ELAVL2: variants seen among roughly 807,000 people sequenced by gnomAD.
The protein encoded by ELAVL2 is ELAV-like protein 2.
A neutral mutation model predicts 34.6 loss-of-function variants in ELAVL2; 4 were observed. The ratio of observed to expected loss-of-function variants is 0.12; its 90% CI spans 0.06 to 0.26. The LOEUF is 0.26. Among genes scored for constraint, ELAVL2 ranks in the 10% least tolerant of loss-of-function variants. The pLI is 1.00. For missense variants in ELAVL2, 432 were observed against 442.8 expected (o/e 0.98, Z 0.22); for synonymous variants, 193 against 154.8 (o/e 1.25, Z -1.83).
intron 1 of ELAVL2, among the ~76,000 whole-genome samples, chr9:23,782,105 G>T (rs1475453835): frequency 6.6e-6 from 1 of 152,162 alleles, no homozygotes; most frequent in African/African-American, 2.4e-5. Context: ...ACAGGCGTGA[G>T]CCACCATGCC....
chr9:23,736,214 C>G (rs907673126), intron 2 of ELAVL2, among the ~76,000 whole-genome samples: 1 of 151,952 alleles, frequency 6.6e-6, no homozygotes, highest in African/African-American at 2.4e-5. Context: ...AGTATATTAA[C>G]TTTATCCAAC....
intron 3 of ELAVL2, among the ~76,000 whole-genome samples, chr9:23,721,235 ACTGGCTGGATGT>A (rs1327835242): frequency 1.3e-4 from 20 of 152,320 alleles, no homozygotes; most frequent in African/African-American, 4.6e-4. Flanking sequence ...AAGAACCCAG[ACTGGCTGGATGT>A]GGCTCAACTG....
chr9:23,737,287 C>G (rs980688072), intron 2 of ELAVL2, among the ~76,000 whole-genome samples: 2 of 152,190 alleles, frequency 1.3e-5, no homozygotes, highest in Admixed American at 1.3e-4. Flanking sequence ...CCCTTATAAA[C>G]ATGTTCCTCA....
intron 1 of ELAVL2, among the ~76,000 whole-genome samples, chr9:23,805,340 G>C (rs1335340504): frequency 1.3e-5 from 2 of 152,096 alleles, no homozygotes; most frequent in Non-Finnish European, 2.9e-5. Context: ...TGAGAGAGTG[G>C]ATACTAACAA....
At chr9:23,839,725 T>C in the ELAVL2 span, among the ~76,000 whole-genome samples, 1 of 152,184 alleles carries the variant, frequency 6.6e-6, no homozygotes, top group South Asian at 2.1e-4. Flanking sequence ...AGGTAGTTTA[T>C]AGCAGCTCCT....
At chr9:23,791,122 G>T (rs184932678) in intron 1 of ELAVL2, among the ~76,000 whole-genome samples, 2 of 152,300 alleles carry the variant, frequency 1.3e-5, no homozygotes, top group Admixed American at 6.5e-5. Context: ...GGTTAGAGAA[G>T]AAATCAATTG....
the ELAVL2 span, among the ~76,000 whole-genome samples, chr9:23,842,939 T>G: frequency 6.6e-6 from 1 of 152,136 alleles, no homozygotes; most frequent in African/African-American, 2.4e-5. Context: ...ACTTGCCATT[T>G]TTTCCTGCTT....
At chr9:23,724,651 C>T (rs2044616675) in intron 3 of ELAVL2, among the ~76,000 whole-genome samples, 1 of 152,102 alleles carries the variant, frequency 6.6e-6, no homozygotes, top group East Asian at 1.9e-4. Context: ...AAATGGGACT[C>T]AATATAGATA....
At chr9:23,819,560 T>C (rs2064229506) in intron 1 of ELAVL2, among the ~76,000 whole-genome samples, 1 of 151,946 alleles carries the variant, frequency 6.6e-6, no homozygotes, top group Non-Finnish European at 1.5e-5. Flanking sequence ...TGATTGTTCC[T>C]GAAAGAAGAC....
chr9:23,774,680 C>A (rs2057914495), intron 1 of ELAVL2, among the ~76,000 whole-genome samples: 2 of 123,562 alleles, frequency 1.6e-5, no homozygotes, highest in Admixed American at 9.6e-5. Flanking sequence ...CATAAAAATA[C>A]ACATCTCCCA....
At chr9:23,786,113 T>C (rs972704479) in intron 1 of ELAVL2, among the ~76,000 whole-genome samples, 2 of 152,162 alleles carry the variant, frequency 1.3e-5, no homozygotes, top group East Asian at 1.9e-4. Flanking sequence ...TGCAGAGTAT[T>C]TATCTCTGTT....
chr9:23,779,420 G>C, intron 1 of ELAVL2: 1 of 985,334 alleles, frequency 1.0e-6, no homozygotes, highest in Non-Finnish European at 1.2e-6. Flanking sequence ...AGCAATGGAA[G>C]ATCTGGGAGG....
chr9:23,771,491 A>G (rs2057302125), intron 1 of ELAVL2, among the ~76,000 whole-genome samples: 1 of 152,052 alleles, frequency 6.6e-6, no homozygotes, highest in African/African-American at 2.4e-5. Flanking sequence ...TAAATATTAA[A>G]TCCAGAGTTA....
intron 1 of ELAVL2, among the ~76,000 whole-genome samples, chr9:23,823,729 T>C: frequency 6.6e-6 from 1 of 152,212 alleles, no homozygotes; most frequent in Non-Finnish European, 1.5e-5. Flanking sequence ...CCCAAACACA[T>C]TTCCTACCCT....
chr9:23,821,711 C>CGGCGGCGGG (rs1422224617), intron 1 of ELAVL2: 2 of 152,420 alleles, frequency 1.3e-5, no homozygotes, highest in African/African-American at 4.8e-5. Flanking sequence ...GTGGCGGCGG[C>CGGCGGCGGG]GGCGGCGGGA....
At position 23,753,959 on chromosome 9, in the gene ELAVL2, T is replaced by C. The variant is rs577495541; in HGVS notation, c.229+8047A>G. Reference sequence around the variant, plus strand: ...CAAAGAGAAAGGTTACTGAAGACTATTCCTAATCTACTGGTAAGGCAAATA... The same window carrying C: ...CAAAGAGAAAGGTTACTGAAGACTACTCCTAATCTACTGGTAAGGCAAATA... On this transcript the variant is annotated intron_variant, in intron 2 of 6. Coordinates refer to ENST00000397312, the MANE Select transcript of ELAVL2 (RefSeq NM_004432.5). Among the ~76,000 whole-genome samples, 7 of 152,290 alleles carry C rather than the reference T, an allele frequency of 4.6e-5. 1 individual carries two copies. The South Asian group carries it at 1.4e-3, about 32-fold the overall frequency.
chr9:23,799,960 G>A (rs948179210), intron 1 of ELAVL2, among the ~76,000 whole-genome samples: 1 of 152,120 alleles, frequency 6.6e-6, no homozygotes, highest in Admixed American at 6.5e-5. Flanking sequence ...AGGACTCTGT[G>A]GGTGGGTGCA....
intron 3 of ELAVL2, among the ~76,000 whole-genome samples, chr9:23,715,863 C>A (rs575373198): frequency 1.3e-5 from 2 of 152,098 alleles, no homozygotes; most frequent in South Asian, 4.2e-4. Flanking sequence ...TAAAAAACAA[C>A]CAGTACCGGT....
chr9:23,769,036 A>G (rs1173947295), intron 1 of ELAVL2, among the ~76,000 whole-genome samples: 1 of 152,184 alleles, frequency 6.6e-6, no homozygotes, highest in Non-Finnish European at 1.5e-5. Context: ...ACTTATTTGC[A>G]ACTAGAAGCT....
Sources: allele counts gnomAD v4.1 joint callset (sites outside exome capture counted in the v4.1 genomes callset), GRCh38; gene constraint gnomAD v4.1.1; transcripts MANE v1.5; gene names NCBI Gene and HGNC (gene_info 2026-07-23, HGNC 2026-07-21).